The following WWP1 variants were observed in gnomAD, a reference collection of about 807,000 sequenced individuals.
WWP1 encodes the protein WW domain containing E3 ubiquitin protein ligase 1, also known as NEDD4-like E3 ubiquitin-protein ligase WWP1.
Under a neutral mutation model 130.6 loss-of-function variants are expected in WWP1, and 49 were observed. That is an observed-to-expected ratio of 0.38 (90% CI 0.30 to 0.48). The LOEUF (loss-of-function observed/expected upper bound fraction) is 0.48. WWP1 is among the 20% of genes least tolerant of loss of function. The pLI, the probability that WWP1 is intolerant of heterozygous loss-of-function variation, is 0.99. For missense variants in WWP1, 809 were observed against 1,100.6 expected (o/e 0.74, Z 3.75); for synonymous variants, 332 against 367.8 (o/e 0.90, Z 1.11).
intron 18 of WWP1, among the ~76,000 whole-genome samples, chr8:86,443,962 T>C (rs941811128): frequency 3.3e-5 from 5 of 152,146 alleles, no homozygotes; most frequent in Non-Finnish European, 5.9e-5. Context: ...AAGAGTTGAG[T>C]AGGGCAATGA....
chr8:86,458,989 T>C (rs530927432), intron 22 of WWP1, among the ~76,000 whole-genome samples: 2 of 151,774 alleles, frequency 1.3e-5, no homozygotes, highest in South Asian at 4.2e-4. Flanking sequence ...TATAAGTCTA[T>C]ACCTTGGAGT....
intron 1 of WWP1, among the ~76,000 whole-genome samples, chr8:86,349,547 T>G (rs1822795722): frequency 6.6e-6 from 1 of 152,186 alleles, no homozygotes; most frequent in Non-Finnish European, 1.5e-5. Context: ...AAGCTGAAGC[T>G]TAGGCAGCTT....
chr8:86,374,228 A>G (rs1292615469), intron 3 of WWP1, 108 bp downstream of exon 3: 4 of 876,332 alleles, frequency 4.6e-6, no homozygotes, highest in Admixed American at 5.6e-5. Flanking sequence ...GATTCATACT[A>G]TGGCATATTT....
At chr8:86,408,957 G>C (rs1808429262) in intron 8 of WWP1, among the ~76,000 whole-genome samples, 1 of 151,412 alleles carries the variant, frequency 6.6e-6, no homozygotes, top group Admixed American at 6.6e-5. Flanking sequence ...AAGTAATCTT[G>C]TTGTTGATCT....
intron 5 of WWP1, among the ~76,000 whole-genome samples, chr8:86,397,774 A>G (rs1448512517): frequency 6.6e-6 from 1 of 152,216 alleles, no homozygotes; most frequent in Non-Finnish European, 1.5e-5. Context: ...TTATATAAAA[A>G]TGATAAACGA....
At chr8:86,428,157 CA>C (rs1187611089) in intron 11 of WWP1, among the ~76,000 whole-genome samples, 5 of 152,088 alleles carry the variant, frequency 3.3e-5, no homozygotes, top group African/African-American at 1.2e-4. Context: ...TTGCTTTCAA[CA>C]AAACCAGTTA....
intron 3 of WWP1, 135 bp from the exon 4 acceptor site, chr8:86,380,591 T>G: frequency 1.0e-6 from 1 of 986,012 alleles, no homozygotes; most frequent in Middle Eastern, 3.4e-4. Flanking sequence ...GTAGCCCTTT[T>G]GTATTGTTTC....
At chr8:86,442,831 A>T in intron 18 of WWP1, 53 bp downstream of exon 18, 1 of 1,444,666 alleles carries the variant, frequency 6.9e-7, no homozygotes, top group Non-Finnish European at 9.1e-7. Flanking sequence ...AATGTATTAG[A>T]GAAGGCTTTT....
chr8:86,414,662 A>G (rs573817652), intron 9 of WWP1, among the ~76,000 whole-genome samples: 3 of 152,240 alleles, frequency 2.0e-5, no homozygotes, highest in Non-Finnish European at 4.4e-5. Context: ...GGGTGCCTCA[A>G]TCCTGTTGAT....
intron 23 of WWP1, 41 bp from the exon 24 acceptor site, chr8:86,461,733 T>A: frequency 6.5e-7 from 1 of 1,548,918 alleles, no homozygotes; most frequent in Non-Finnish European, 8.9e-7. Flanking sequence ...AGAAAAAAGT[T>A]TAAAGGACCA....
intron 9 of WWP1, among the ~76,000 whole-genome samples, chr8:86,421,450 T>A (rs1809195477): frequency 6.6e-6 from 1 of 152,114 alleles, no homozygotes; most frequent in Non-Finnish European, 1.5e-5. Context: ...ATAAAAATAA[T>A]TTAAAGAAAA....
intron 1 of WWP1, among the ~76,000 whole-genome samples, chr8:86,348,797 G>T (rs1444006915): frequency 1.3e-5 from 2 of 152,180 alleles, no homozygotes; most frequent in African/African-American, 2.4e-5. Flanking sequence ...GGTGAGTGTT[G>T]TTTCAGTTAT....
chr8:86,423,819 C>A (rs879885135), intron 9 of WWP1, among the ~76,000 whole-genome samples: 2 of 149,662 alleles, frequency 1.3e-5, no homozygotes, highest in East Asian at 4.1e-4. Context: ...GCGCCCCCCC[C>A]CCACCTCCCG....
intron 20 of WWP1, 75 bp from the exon 21 acceptor site, chr8:86,452,484 A>G (rs1811226429): frequency 1.6e-6 from 2 of 1,268,922 alleles, no homozygotes; most frequent in South Asian, 1.4e-5. Context: ...AAAGAACTAT[A>G]GAAGTTCTTG....
At chr8:86,436,594 G>C (rs1286923448) in intron 16 of WWP1, among the ~76,000 whole-genome samples, 1 of 152,198 alleles carries the variant, frequency 6.6e-6, no homozygotes, top group Non-Finnish European at 1.5e-5. Context: ...ACGTAGAATA[G>C]TGCCTTTGCA....
chr8:86,462,923 T>C (rs572231915), intron 24 of WWP1, among the ~76,000 whole-genome samples: 197 of 152,260 alleles, frequency 1.3e-3, no homozygotes, highest in African/African-American at 4.5e-3. Flanking sequence ...AAGTTCTTTA[T>C]GAAGCAGTAA....
At chr8:86,381,673 T>C in intron 5 of WWP1, 44 bp downstream of exon 5, 1 of 1,519,664 alleles carries the variant, frequency 6.6e-7, no homozygotes, top group Non-Finnish European at 8.8e-7. Context: ...AAGTTTATTT[T>C]AGACACTTTG....
intron 5 of WWP1, among the ~76,000 whole-genome samples, chr8:86,397,573 C>G (rs1026334774): frequency 3.3e-5 from 5 of 152,106 alleles, no homozygotes; most frequent in African/African-American, 1.2e-4. Flanking sequence ...GCTGTGTATC[C>G]TTTTACCTTC....
At chr8:86,434,361 G>A (rs899369716) in intron 14 of WWP1, among the ~76,000 whole-genome samples, 2 of 152,046 alleles carry the variant, frequency 1.3e-5, no homozygotes, top group Non-Finnish European at 2.9e-5. Flanking sequence ...TTCATTGGAC[G>A]CTAGCTGTGC....
Sources: allele counts gnomAD v4.1 joint callset (sites outside exome capture counted in the v4.1 genomes callset), GRCh38; gene constraint gnomAD v4.1.1; transcripts MANE v1.5; gene names NCBI Gene and HGNC (gene_info 2026-07-23, HGNC 2026-07-21).